The following GLDC variants were observed in gnomAD, a reference collection of about 807,000 sequenced individuals.
The protein encoded by GLDC is glycine decarboxylase, also known as glycine dehydrogenase (decarboxylating), mitochondrial.
GLDC carries 104 observed loss-of-function variants against 121.3 expected under a neutral mutation model. The ratio of observed to expected loss-of-function variants is 0.86; its 90% confidence interval spans 0.73 to 1.01. The LOEUF is 1.01. GLDC is among the 50% of genes least tolerant of loss of function. GLDC has a pLI of 0.00. For synonymous variants in GLDC, 546 were observed against 480.6 expected (o/e 1.14, Z -1.78); for missense variants, 1,429 against 1,306.6 (o/e 1.09, Z -1.44).
intron 2 of GLDC, among the ~76,000 whole-genome samples, chr9:6,633,821 CTTTTTTT>C (rs1156711956): frequency 2.2e-5 from 2 of 89,458 alleles, no homozygotes; most frequent in African/African-American, 5.0e-5. Flanking sequence ...GCAGGAGAAT[CTTTTTTT>C]TTTTTTTTTT....
intron 11 of GLDC, among the ~76,000 whole-genome samples, chr9:6,591,596 T>G (rs1347882496): frequency 6.6e-6 from 1 of 152,210 alleles, no homozygotes; most frequent in African/African-American, 2.4e-5. Context: ...TCTTTTTTCT[T>G]TTTTTGAGAT....
chr9:6,545,014 G>A (rs912594272), intron 21 of GLDC, among the ~76,000 whole-genome samples: 2 of 151,922 alleles, frequency 1.3e-5, no homozygotes, highest in South Asian at 2.1e-4. Context: ...TGGGAGAATC[G>A]CTTGAACCCG....
chr9:6,533,062 T>G lies in GLDC; in HGVS notation c.3018A>C (p.Glu1006Asp). 5 of 1,612,140 alleles carry G rather than the reference T, an allele frequency of 3.1e-6. No homozygotes were observed. The South Asian group carries it at 5.5e-5, about 18-fold the overall frequency. Residue 1006 changes from glutamate to aspartate, a missense_variant, in exon 25 of 25, where the codon GAA becomes GAC. Transcript: ENST00000321612. ...QHLVCTCPPMEVYESPFSEQK... is the reference protein window; with the variant it reads ...QHLVCTCPPMDVYESPFSEQK... ...GTTCAGAAAATGGAGACTCATAAAC[T>G]TCCATGGGTGGGCAGGTACAAACCA...
chr9:6,591,866 C>T (rs943326661), intron 11 of GLDC: 9 of 258,638 alleles, frequency 3.5e-5, no homozygotes, highest in Non-Finnish European at 5.3e-5. Context: ...GCTGGGATTA[C>T]AGGCATGAGC....
rs114682538 is a variant in GLDC, at chr9:6,635,061, C to T, written c.334+9553G>A. 4.1e-3 allele frequency among the ~76,000 whole-genome samples: 624 copies of T among 152,324 alleles called. 3 individuals are homozygous for T. The highest frequency in any genetic ancestry group is 0.014 in the African/African-American group (596 of 41,560). On this transcript the variant is annotated intron_variant, in intron 2 of 24. Coordinates refer to ENST00000321612, the MANE Select transcript of GLDC (RefSeq NM_000170.3). ...CTATTCACCGTCCCTCAAATAACCACGTATTTCCACACTTCCATGCCTCTG... is the reference window on the plus strand; with the variant it reads ...CTATTCACCGTCCCTCAAATAACCATGTATTTCCACACTTCCATGCCTCTG...
At chr9:6,611,640 G>C (rs1242563524) in intron 3 of GLDC, among the ~76,000 whole-genome samples, 2 of 151,806 alleles carry the variant, frequency 1.3e-5, no homozygotes, top group Non-Finnish European at 2.9e-5. Flanking sequence ...TGAATGCATA[G>C]TATTATATTC....
At chr9:6,638,953 G>A (rs1468694658) in intron 2 of GLDC, among the ~76,000 whole-genome samples, 1 of 151,774 alleles carries the variant, frequency 6.6e-6, no homozygotes, top group Non-Finnish European at 1.5e-5. Context: ...AGGTTGTGGT[G>A]AGCCAAGACC....
intron 4 of GLDC, 139 bp from the exon 5 acceptor site, chr9:6,606,808 C>G (rs1257512958): frequency 7.1e-6 from 5 of 699,360 alleles, no homozygotes; most frequent in Non-Finnish European, 1.3e-5. Context: ...TGCGGTGGCT[C>G]ACGCCTGTAA....
At chr9:6,560,812 C>T (rs1206553428) in intron 16 of GLDC, among the ~76,000 whole-genome samples, 1 of 152,138 alleles carries the variant, frequency 6.6e-6, no homozygotes, top group Admixed American at 6.5e-5. Context: ...CCTTATATGG[C>T]AAGGGGGACT....
intron 2 of GLDC, chr9:6,639,669 G>GTGTATATATATATATATATA (rs1790395330): frequency 4.7e-6 from 1 of 212,444 alleles, no homozygotes; most frequent in Admixed American, 6.4e-5. Flanking sequence ...TAAAAAAAAA[G>GTGTATATATATATATATATA]TATATATATA....
intron 24 of GLDC, among the ~76,000 whole-genome samples, chr9:6,533,427 A>G (rs1218244381): frequency 6.6e-5 from 10 of 152,218 alleles, no homozygotes; most frequent in African/African-American, 2.4e-4. Flanking sequence ...AAAGACTTCA[A>G]CTGCTTAAAG....
At position 6,622,850 on chromosome 9, in the gene GLDC, C is replaced by T. The variant is rs1175258116; in HGVS notation, c.335-2531G>A. Reference sequence around the variant, plus strand: ...CTAGGAAGTGAGGAGCGTCTCTGCCCGGCCGCCCATCGTCTGAGATGTGGG... The same window carrying T: ...CTAGGAAGTGAGGAGCGTCTCTGCCTGGCCGCCCATCGTCTGAGATGTGGG... On this transcript the variant is annotated intron_variant, in intron 2 of 24. Coordinates refer to ENST00000321612, the MANE Select transcript of GLDC (RefSeq NM_000170.3). The T allele has an allele frequency of 6.5e-5, 14 of 215,308 alleles. No individual in the cohort carries two copies. In the East Asian group the frequency reaches 9.0e-4, roughly 14 times the overall value. The allele number at this position is 215,308 out of a possible 1,614,324, so 13.3% of individuals were successfully genotyped here.
chr9:6,546,204 T>G (rs1240607262), intron 21 of GLDC, among the ~76,000 whole-genome samples: 1 of 151,992 alleles, frequency 6.6e-6, no homozygotes, highest in African/African-American at 2.4e-5. Context: ...CCTCATCTTT[T>G]TTTTTTGAGA....
intron 15 of GLDC, among the ~76,000 whole-genome samples, chr9:6,573,144 T>A (rs1473295568): frequency 6.6e-6 from 1 of 152,158 alleles, no homozygotes; most frequent in African/African-American, 2.4e-5. Context: ...GCATGGTGGC[T>A]CACGCCTGTA....
chr9:6,548,001 G>C (rs1246148724), intron 21 of GLDC, among the ~76,000 whole-genome samples: 1 of 151,912 alleles, frequency 6.6e-6, no homozygotes, highest in East Asian at 1.9e-4. Context: ...AGCCAGGTGT[G>C]GCGGGTGTAT....
chr9:6,629,773 CAT>C (rs575578135), intron 2 of GLDC, among the ~76,000 whole-genome samples: 4 of 149,064 alleles, frequency 2.7e-5, no homozygotes, highest in Admixed American at 6.7e-5. Flanking sequence ...AGTTTTACAC[CAT>C]ATATATATAT....
intron 8 of GLDC, among the ~76,000 whole-genome samples, chr9:6,599,135 C>T (rs1398121428): frequency 6.7e-6 from 1 of 149,222 alleles, no homozygotes; most frequent in Non-Finnish European, 1.5e-5. Context: ...AGTGAGCCGA[C>T]ATCACGCCAT....
chr9:6,554,548 G>C, intron 19 of GLDC, 121 bp downstream of exon 19: 1 of 771,162 alleles, frequency 1.3e-6, no homozygotes, highest in South Asian at 1.5e-5. Flanking sequence ...CCCTACAAGT[G>C]CACTACACCG....
intron 3 of GLDC, among the ~76,000 whole-genome samples, chr9:6,612,302 C>G (rs1416503930): frequency 6.6e-6 from 1 of 151,832 alleles, no homozygotes; most frequent in African/African-American, 2.4e-5. Context: ...CACCCCAATA[C>G]AAGTCTCAGG....
Sources: gnomAD v4.1 joint callset for allele counts (sites outside exome capture counted in the v4.1 genomes callset) on GRCh38, gnomAD v4.1.1 for gene constraint, MANE v1.5 for transcripts, NCBI Gene and HGNC (gene_info 2026-07-23, HGNC 2026-07-21) for gene names.